The following PABPC4L variants were observed in gnomAD, a reference collection of about 807,000 sequenced individuals.
The protein encoded by PABPC4L is polyadenylate-binding protein 4-like.
For missense variants in PABPC4L, 452 were observed against 451.4 expected, an observed-to-expected ratio of 1.00 and a Z score of -0.01; for synonymous variants, 169 against 164.1, an observed-to-expected ratio of 1.03 and a Z score of -0.23.
chr4:133,976,674 C>T, the PABPC4L span, among the ~76,000 whole-genome samples: 2 of 152,250 alleles, frequency 1.3e-5, no homozygotes, highest in South Asian at 4.1e-4. Flanking sequence ...GAGATGGTAT[C>T]TCATTGTGGT....
downstream of PABPC4L, among the ~76,000 whole-genome samples, chr4:134,195,777 C>G (rs1330824427): frequency 6.6e-6 from 1 of 151,638 alleles, no homozygotes; most frequent in Non-Finnish European, 1.5e-5. Flanking sequence ...ACAAAACCAA[C>G]ACTTAATTAT....
chr4:134,108,383 A>G, the PABPC4L span, among the ~76,000 whole-genome samples: 1 of 151,852 alleles, frequency 6.6e-6, no homozygotes, highest in Non-Finnish European at 1.5e-5. Flanking sequence ...GACACTGGCA[A>G]AAGCCTCTTC....
the PABPC4L span, among the ~76,000 whole-genome samples, chr4:134,174,560 T>C: frequency 1.3e-5 from 2 of 152,150 alleles, no homozygotes; most frequent in East Asian, 3.9e-4. Context: ...ATTAGAATCT[T>C]ATGGGACCAC....
the PABPC4L span, among the ~76,000 whole-genome samples, chr4:134,183,932 G>A: frequency 1.3e-5 from 2 of 151,284 alleles, no homozygotes; most frequent in Non-Finnish European, 2.9e-5. Flanking sequence ...GTGTGTGTGT[G>A]TGTGTGTAGA....
the PABPC4L span, among the ~76,000 whole-genome samples, chr4:134,019,816 TC>T: frequency 2.3e-3 from 352 of 152,178 alleles, 2 homozygotes; most frequent in African/African-American, 8.2e-3. Context: ...TAGTCATTAG[TC>T]ATTTACAACC....
At chr4:134,052,019 C>T in the PABPC4L span, among the ~76,000 whole-genome samples, 1 of 151,706 alleles carries the variant, frequency 6.6e-6, no homozygotes, top group African/African-American at 2.4e-5. Flanking sequence ...AAAGAAAAAA[C>T]AATAATACAA....
At chr4:134,100,606 A>G in the PABPC4L span, among the ~76,000 whole-genome samples, 1 of 151,516 alleles carries the variant, frequency 6.6e-6, no homozygotes, top group Admixed American at 6.6e-5. Context: ...GAAAAGAAAC[A>G]TTTTTTACTA....
rs866919398 is a variant in PABPC4L, at chr4:134,200,227, C to T, written c.793G>A (p.Ala265Thr). 2 of 1,551,996 alleles carry T rather than the reference C, an allele frequency of 1.3e-6. No individual in the cohort carries two copies. The highest frequency in any genetic ancestry group is 1.2e-5 in the South Asian group (1 of 84,082). The part of the protein sequence containing the change: ...INGQLIFVGR[A>T]QKKVERQAEL... ...GCCTGTCGCTCGACTTTCTTTTGAG[C>T]CCGGCCTACAAAAATCAGCTGCCCA... The change falls in exon 2 of 2, where the codon GCT becomes ACT. Residue 265 changes from alanine (A) to threonine (T), a missense_variant. Ala to Thr is a moderately conservative substitution (Grantham distance 58). Coordinates refer to ENST00000421491, the MANE Select transcript of PABPC4L (RefSeq NM_001114734.2).
the PABPC4L span, among the ~76,000 whole-genome samples, chr4:133,955,679 C>T: frequency 2.6e-5 from 4 of 152,060 alleles, no homozygotes; most frequent in Non-Finnish European, 5.9e-5. Context: ...TGGCTTTTAA[C>T]TTGTAAAGTA....
chr4:134,136,108 T>G, the PABPC4L span, among the ~76,000 whole-genome samples: 12 of 152,064 alleles, frequency 7.9e-5, no homozygotes. Context: ...ATAGTATAGA[T>G]TCAAACCTTA....
chr4:134,078,483 G>A, the PABPC4L span, among the ~76,000 whole-genome samples: 1 of 152,002 alleles, frequency 6.6e-6, no homozygotes, highest in Non-Finnish European at 1.5e-5. Context: ...ACGAAAGAAA[G>A]AACAAAATAT....
At chr4:134,189,093 C>A in the PABPC4L span, among the ~76,000 whole-genome samples, 1 of 152,048 alleles carries the variant, frequency 6.6e-6, no homozygotes, top group East Asian at 1.9e-4. Flanking sequence ...CCATCAAAGG[C>A]ATTCTTCATT....
chr4:134,123,049 C>T, the PABPC4L span, among the ~76,000 whole-genome samples: 1 of 151,928 alleles, frequency 6.6e-6, no homozygotes, highest in Non-Finnish European at 1.5e-5. Context: ...AAGCATTGCT[C>T]CTAGAGGAAA....
the PABPC4L span, among the ~76,000 whole-genome samples, chr4:133,959,968 A>T: frequency 6.6e-6 from 1 of 152,216 alleles, no homozygotes; most frequent in African/African-American, 2.4e-5. Context: ...GAATAACATA[A>T]TTCTGTTTAT....
chr4:133,977,726 A>C, the PABPC4L span, among the ~76,000 whole-genome samples: 78 of 152,322 alleles, frequency 5.1e-4, 1 homozygote, highest in South Asian at 0.016. Flanking sequence ...ACTCTTAAAA[A>C]TTTGAAAGGC....
chr4:134,084,955 G>A, the PABPC4L span, among the ~76,000 whole-genome samples: 1 of 152,076 alleles, frequency 6.6e-6, no homozygotes, highest in Non-Finnish European at 1.5e-5. Flanking sequence ...CTCAGCAAAG[G>A]GAAAGGGGGT....
At chr4:134,192,977 T>G (rs920313757), downstream of PABPC4L, among the ~76,000 whole-genome samples, 44 of 152,128 alleles carry the variant, frequency 2.9e-4, no homozygotes, top group Admixed American at 2.6e-4. Flanking sequence ...AGTTATATGC[T>G]TAAAATTTCT....
chr4:134,104,225 C>T, the PABPC4L span, among the ~76,000 whole-genome samples: 1 of 151,712 alleles, frequency 6.6e-6, no homozygotes, highest in East Asian at 1.9e-4. Flanking sequence ...CTGGCCTTCT[C>T]AACAGAACTT....
the PABPC4L span, among the ~76,000 whole-genome samples, chr4:134,059,202 G>A: frequency 3.3e-5 from 5 of 151,682 alleles, no homozygotes; most frequent in African/African-American, 1.2e-4. Context: ...AAAATGATCT[G>A]ATTCCCACCA....
Sources: allele counts gnomAD v4.1 joint callset (sites outside exome capture counted in the v4.1 genomes callset), GRCh38; gene constraint gnomAD v4.1.1; transcripts MANE v1.5; gene names NCBI Gene and HGNC (gene_info 2026-07-23, HGNC 2026-07-21).